MYO1B: variants seen among roughly 807,000 people sequenced by gnomAD.
The protein encoded by MYO1B is unconventional myosin-Ib.
In MYO1B, 72 loss-of-function variants were observed where a neutral mutation model predicts 159.7. The observed-to-expected ratio is 0.45, with a 90% CI of 0.37 to 0.55. The LOEUF is 0.55. MYO1B is among the 20% of genes least tolerant of loss of function. The pLI is 0.00. For synonymous variants in MYO1B, 468 were observed against 473.8 expected (o/e 0.99, Z 0.16); for missense variants, 1,062 against 1,364.8 (o/e 0.78, Z 3.50).
chr2:191,386,090 G>A lies in MYO1B; in HGVS notation c.1554+6G>A, dbSNP rs1695381227. 1.2e-6 allele frequency: 2 copies of A among 1,613,656 alleles called. No individual in the cohort carries two copies. The highest frequency in any genetic ancestry group is 1.7e-6 in the Non-Finnish European group (2 of 1,179,816). The stretch of plus-strand genomic sequence containing the variant: ...TCCAGCATTATGCTGGAAAGGTATG[G>A]GGGAGCTGTGAGCACCCAGTCAGGC... On this transcript the variant is annotated splice_donor_region_variant and intron_variant, in intron 16 of 30. Coordinates refer to ENST00000392318, the MANE Select transcript of MYO1B (RefSeq NM_001130158.3).
chr2:191,344,825 G>A (rs1420189089), intron 5 of MYO1B, among the ~76,000 whole-genome samples: 3 of 63,608 alleles, frequency 4.7e-5, no homozygotes, highest in South Asian at 7.1e-4. Context: ...GCGAGACTCC[G>A]TCTCAAAAAA....
chr2:191,279,813 A>G (rs575483265), intron 2 of MYO1B, among the ~76,000 whole-genome samples: 4 of 152,336 alleles, frequency 2.6e-5, no homozygotes, highest in African/African-American at 9.6e-5. Flanking sequence ...TTATATTATA[A>G]AAATGGGTGA....
intron 3 of MYO1B, among the ~76,000 whole-genome samples, chr2:191,318,594 A>G (rs1690502692): frequency 6.6e-6 from 1 of 152,216 alleles, no homozygotes; most frequent in South Asian, 2.1e-4. Context: ...GTCTTTTATC[A>G]GATAACTTTA....
At chr2:191,266,174 A>T (rs1034512187) in intron 1 of MYO1B, among the ~76,000 whole-genome samples, 3 of 152,206 alleles carry the variant, frequency 2.0e-5, no homozygotes, top group African/African-American at 7.2e-5. Flanking sequence ...CAAATGAGGT[A>T]ACTCACTAGG....
intron 7 of MYO1B, among the ~76,000 whole-genome samples, chr2:191,351,735 A>G (rs1692939452): frequency 6.6e-6 from 1 of 152,154 alleles, no homozygotes; most frequent in South Asian, 2.1e-4. Flanking sequence ...CAAAAATACA[A>G]AAGTTAGCCG....
intron 30 of MYO1B, among the ~76,000 whole-genome samples, chr2:191,421,546 C>G (rs1697943695): frequency 6.6e-6 from 1 of 151,894 alleles, no homozygotes; most frequent in Admixed American, 6.6e-5. Flanking sequence ...GATCCCGGCT[C>G]AATGCAGCCT....
chr2:191,255,344 C>T (rs1348780520), intron 1 of MYO1B, among the ~76,000 whole-genome samples: 1 of 152,050 alleles, frequency 6.6e-6, no homozygotes. Flanking sequence ...GGATTAGCAT[C>T]GATACTGTGA....
At chr2:191,266,257 A>AG (rs1687133752) in intron 1 of MYO1B, among the ~76,000 whole-genome samples, 1 of 152,192 alleles carries the variant, frequency 6.6e-6, no homozygotes, top group South Asian at 2.1e-4. Context: ...AGAAGAAGAA[A>AG]GGGGCATTGG....
chr2:191,408,205 A>G lies in MYO1B; in HGVS notation c.2631+16A>G, dbSNP rs756023780. ...TCAGAGAATTGTAAGTTGACACTTT[A>G]TATCTGTGGATAATCAGCATTGTGG... On this transcript the variant is annotated intron_variant, in intron 25 of 30. Coordinates refer to ENST00000392318, the MANE Select transcript of MYO1B (RefSeq NM_001130158.3). 1.1e-5 allele frequency: 17 copies of G among 1,579,678 alleles called. No individual in the cohort carries two copies. The South Asian group carries it at 1.4e-4, about 13-fold the overall frequency.
At chr2:191,357,813 G>T (rs1693401283) in intron 7 of MYO1B, among the ~76,000 whole-genome samples, 1 of 152,090 alleles carries the variant, frequency 6.6e-6, no homozygotes, top group Non-Finnish European at 1.5e-5. Context: ...AGATTATGTT[G>T]GTGCATGCAC....
At chr2:191,246,153 G>A (rs1028151200) in intron 1 of MYO1B, 4 of 152,396 alleles carry the variant, frequency 2.6e-5, no homozygotes, top group Non-Finnish European at 5.9e-5. Flanking sequence ...GCGTGCAGCT[G>A]CGCTCGCCTC....
intron 1 of MYO1B, among the ~76,000 whole-genome samples, chr2:191,275,098 G>T (rs936517136): frequency 6.6e-6 from 1 of 151,940 alleles, no homozygotes; most frequent in Non-Finnish European, 1.5e-5. Flanking sequence ...TAGAGATGGG[G>T]TTTCACCATC....
chr2:191,255,760 G>A (rs1686400908), intron 1 of MYO1B, among the ~76,000 whole-genome samples: 1 of 152,190 alleles, frequency 6.6e-6, no homozygotes, highest in African/African-American at 2.4e-5. Flanking sequence ...AGGCTTGAAT[G>A]GGGCCACTGC....
intron 3 of MYO1B, among the ~76,000 whole-genome samples, chr2:191,316,395 A>G (rs909115406): frequency 3.9e-5 from 6 of 152,196 alleles, no homozygotes; most frequent in Non-Finnish European, 5.9e-5. Flanking sequence ...CTGATTTATG[A>G]TAATGATTCC....
At chr2:191,371,767 G>A (rs374631855) in intron 13 of MYO1B, among the ~76,000 whole-genome samples, 36 of 152,276 alleles carry the variant, frequency 2.4e-4, no homozygotes, top group African/African-American at 8.2e-4. Flanking sequence ...CTCCACCCTT[G>A]TCATTACTCC....
chr2:191,272,157 T>C (rs532589622), intron 1 of MYO1B, among the ~76,000 whole-genome samples: 8 of 152,204 alleles, frequency 5.3e-5, no homozygotes, highest in African/African-American at 1.7e-4. Context: ...TGAGAGTAGA[T>C]AGGGGAAGGA....
chr2:191,276,430 C>G (rs779740462), intron 1 of MYO1B, among the ~76,000 whole-genome samples: 1 of 152,138 alleles, frequency 6.6e-6, no homozygotes, highest in African/African-American at 2.4e-5. Context: ...ATGTAAAGTT[C>G]TTGGTATAGT....
At chr2:191,316,720 A>G (rs909128257) in intron 3 of MYO1B, among the ~76,000 whole-genome samples, 8 of 152,170 alleles carry the variant, frequency 5.3e-5, no homozygotes, top group African/African-American at 1.4e-4. Context: ...CAAGCCTACC[A>G]TTGGCATATA....
chr2:191,275,201 G>A (rs146804320), intron 1 of MYO1B, among the ~76,000 whole-genome samples: 1,847 of 152,222 alleles, frequency 0.012, 17 homozygotes, highest in Admixed American at 0.019. Flanking sequence ...ACCGCACCTG[G>A]CCTATCTGGG....
Sources: gnomAD v4.1 joint callset for allele counts (sites outside exome capture counted in the v4.1 genomes callset) on GRCh38, gnomAD v4.1.1 for gene constraint, MANE v1.5 for transcripts, NCBI Gene and HGNC (gene_info 2026-07-23, HGNC 2026-07-21) for gene names.